The following TICRR variants were observed in gnomAD, a reference collection of about 807,000 sequenced individuals.
The protein encoded by TICRR is treslin.
TICRR carries 132 observed loss-of-function variants against 178.1 expected under a neutral mutation model. The observed-to-expected ratio is 0.74, with a 90% CI of 0.64 to 0.86. The LOEUF is 0.86. Ranked by LOEUF, TICRR falls within the 40% of genes least tolerant of loss-of-function variation. TICRR has a pLI of 0.00. For missense variants in TICRR, 2,587 were observed against 2,334.3 expected (o/e 1.11, Z -2.23); for synonymous variants, 991 against 900.7 (o/e 1.10, Z -1.79).
At chr15:89,621,734 T>C (rs1379515784) in intron 19 of TICRR, among the ~76,000 whole-genome samples, 184 bp downstream of exon 19, 1 of 152,122 alleles carries the variant, frequency 6.6e-6, no homozygotes, top group Non-Finnish European at 1.5e-5. Context: ...AGCAGCAGGT[T>C]TGACTGAAGC....
rs764204327 is a variant in TICRR at position 89,599,379 on chromosome 15, T to A, written c.1956T>A (p.Thr652=). The part of the protein sequence containing the change: ...LSYIRENYQK[T]VATGEIMLYA... Reference sequence around the variant, plus strand: ...ATATACGTGAAAATTACCAAAAGACTGTGGCCACAGGAGAAATCATGTTGT... The same window carrying A: ...ATATACGTGAAAATTACCAAAAGACAGTGGCCACAGGAGAAATCATGTTGT... Residue 652 remains threonine, a synonymous_variant, in exon 8 of 22, where the codon ACT becomes ACA. Coordinates refer to ENST00000268138, the MANE Select transcript of TICRR (RefSeq NM_152259.4). 43 of 1,613,614 alleles carry A rather than the reference T, an allele frequency of 2.7e-5. No homozygotes were observed. The Admixed American group carries it at 7.2e-4, about 27-fold the overall frequency.
Position 89,595,510 on chromosome 15 carries a change from C to T in TICRR, c.1799C>T (p.Pro600Leu), listed in dbSNP as rs202176600. The T allele has an allele frequency of 7.9e-5, 127 of 1,613,738 alleles. No homozygotes were observed. Among genetic ancestry groups the T allele is most frequent in the Non-Finnish European group, 9.8e-5 (116 of 1,179,820 alleles). ...KAQKLHPDGS[P>L]DVAGEKGIQK... ...CAGAAGTTACATCCAGATGGCAGTC[C>T]GGATGTGGCTGGGGAGAAAGGAATC... is the stretch of plus-strand genomic sequence containing the variant. Residue 600 changes from proline (P) to leucine (L), a missense_variant, in exon 7 of 22, where the codon CCG becomes CTG. Coordinates refer to ENST00000268138, the MANE Select transcript of TICRR (RefSeq NM_152259.4).
chr15:89,582,659 C>A, intron 1 of TICRR, 27 bp from the exon 2 acceptor site: 1 of 1,605,378 alleles, frequency 6.2e-7, no homozygotes, highest in Non-Finnish European at 8.5e-7. Context: ...TTATAGTAAC[C>A]TAAGGTTGTT....
intron 21 of TICRR, 135 bp from the exon 22 acceptor site, chr15:89,626,821 G>A (rs1218455830): frequency 2.1e-6 from 2 of 947,826 alleles, no homozygotes; most frequent in Admixed American, 2.2e-5. Context: ...CATTTCTGTA[G>A]GATAAGCGAA....
chr15:89,575,830 G>A lies in TICRR; in HGVS notation c.244G>A (p.Ala82Thr), dbSNP rs200087603. ...GGAGGACTTTGAGGAGGAGCTGGAG[G>A]CCAGGCTCGAGGATCGCGCCCACCT... is the stretch of plus-strand genomic sequence containing the variant. ...SWEDFEEELE[A>T]RLEDRAHLPG... The change falls in exon 1 of 22, where the codon GCC becomes ACC. Residue 82 changes from alanine (A) to threonine (T), a missense_variant. By Grantham distance (58) the Ala-to-Thr change is moderately conservative (BLOSUM62 0). Transcript: ENST00000268138. 9.8e-5 allele frequency: 157 copies of A among 1,595,612 alleles called. No homozygotes were observed. Among genetic ancestry groups the A allele is most frequent in the Middle Eastern group, 6.8e-4 (4 of 5,888 alleles).
chr15:89,605,544 A>G (rs769029536), intron 13 of TICRR, among the ~76,000 whole-genome samples: 1 of 152,028 alleles, frequency 6.6e-6, no homozygotes, highest in Non-Finnish European at 1.5e-5. Context: ...ATTTTTTAGT[A>G]AAGATGGAGT....
intron 5 of TICRR, among the ~76,000 whole-genome samples, chr15:89,592,921 T>C (rs1212552565): frequency 2.0e-5 from 3 of 152,258 alleles, no homozygotes; most frequent in Non-Finnish European, 4.4e-5. Flanking sequence ...CTGGCCACCT[T>C]TGTGCAGATT....
chr15:89,592,432 T>G (rs1198744976), intron 5 of TICRR, among the ~76,000 whole-genome samples: 2 of 152,118 alleles, frequency 1.3e-5, no homozygotes, highest in Admixed American at 1.3e-4. Flanking sequence ...TAAATATAAA[T>G]AAATACTCCC....
chr15:89,613,064 G>GC (rs1963278372), intron 15 of TICRR, among the ~76,000 whole-genome samples: 1 of 152,136 alleles, frequency 6.6e-6, no homozygotes, highest in Non-Finnish European at 1.5e-5. Flanking sequence ...TTACCCTAGT[G>GC]CCCTTTCCTT....
chr15:89,624,090 G>A lies in TICRR; in HGVS notation c.3780G>A (p.Thr1260=), dbSNP rs778508504. Residue 1260 remains threonine (T), a synonymous_variant, in exon 20 of 22, where the codon ACG becomes ACA. Coordinates refer to ENST00000268138, the MANE Select transcript of TICRR (RefSeq NM_152259.4). The stretch of plus-strand genomic sequence containing the variant: ...CGAGAGCAGCAGCCTTCATGGGCAC[G>A]CCTCAGAATCAAACACACCAACAGC... ...TPPRAAAFMG[T]PQNQTHQQPH... is the part of the protein sequence containing the mutation. The A allele has an allele frequency of 4.2e-5, 68 of 1,613,436 alleles. No homozygotes were observed. Among genetic ancestry groups the A allele is most frequent in the Admixed American group, 1.7e-4 (10 of 59,922 alleles).
intron 11 of TICRR, 27 bp downstream of exon 11, chr15:89,601,595 T>G (rs976585037): frequency 1.2e-6 from 2 of 1,612,458 alleles, no homozygotes; most frequent in Non-Finnish European, 1.7e-6. Context: ...CTAACTTAAC[T>G]TTAAAATTGT....
chr15:89,601,992 A>C lies in TICRR; in HGVS notation c.2567+16A>C. On this transcript the variant is annotated intron_variant, in intron 12 of 21. Transcript: ENST00000268138. ...AGAAGAGAAGGTAAGAGGTCAAAGA[A>C]TCAAAGGAATTATTTGCACTGTTAT... 6.2e-7 allele frequency: 1 copy of C among 1,613,474 alleles called. No homozygotes were observed.
Position 89,585,914 on chromosome 15 carries a change from T to C in TICRR, c.1383T>C (p.His461=). 1.2e-6 allele frequency: 2 copies of C among 1,614,156 alleles called. No individual in the cohort carries two copies. The highest frequency in any genetic ancestry group is 1.7e-6 in the Non-Finnish European group (2 of 1,179,982). ...DVVDSILNQT[H]DSLADTASAA... ...TGGATAGTATATTGAATCAGACTCA[T>C]GATTCGCTTGCAGATACTGCTTCTG... Residue 461 remains histidine (H), a synonymous_variant, in exon 4 of 22, where the codon CAT becomes CAC. Coordinates refer to ENST00000268138, the MANE Select transcript of TICRR (RefSeq NM_152259.4).
chr15:89,614,652 T>A (rs763571778), intron 15 of TICRR, among the ~76,000 whole-genome samples: 2 of 152,206 alleles, frequency 1.3e-5, no homozygotes, highest in Non-Finnish European at 2.9e-5. Context: ...AACAATATAA[T>A]GAGGCAGCTG....
intron 4 of TICRR, among the ~76,000 whole-genome samples, chr15:89,587,729 G>A (rs912690368): frequency 5.3e-5 from 8 of 152,102 alleles, no homozygotes; most frequent in Non-Finnish European, 1.2e-4. Context: ...ACTAGTTTTG[G>A]TGGAATTGTG....
chr15:89,604,360 GTGAA>G (rs1368698504), intron 13 of TICRR, among the ~76,000 whole-genome samples: 1 of 152,222 alleles, frequency 6.6e-6, no homozygotes, highest in Non-Finnish European at 1.5e-5. Flanking sequence ...AAATCCGAAA[GTGAA>G]TGGCCAAAAG....
chr15:89,588,578 A>G (rs1962859551), intron 4 of TICRR, among the ~76,000 whole-genome samples: 1 of 152,106 alleles, frequency 6.6e-6, no homozygotes, highest in Admixed American at 6.6e-5. Flanking sequence ...CTCAAAGGAG[A>G]GAGCTAAAAA....
intron 1 of TICRR, among the ~76,000 whole-genome samples, chr15:89,577,599 CTTTTTTT>C (rs71151513): frequency 1.6e-5 from 1 of 60,858 alleles, no homozygotes; most frequent in African/African-American, 7.7e-5. Context: ...GAGGGAAGGC[CTTTTTTT>C]TTTTTTTTTT....
intron 16 of TICRR, 50 bp downstream of exon 16, chr15:89,616,545 A>G: frequency 6.6e-7 from 1 of 1,506,712 alleles, no homozygotes; most frequent in Non-Finnish European, 9.2e-7. Context: ...ACCACCTCAA[A>G]GCGGCCTTGT....
Sources: allele counts gnomAD v4.1 joint callset (sites outside exome capture counted in the v4.1 genomes callset), GRCh38; gene constraint gnomAD v4.1.1; transcripts MANE v1.5; gene names NCBI Gene and HGNC (gene_info 2026-07-23, HGNC 2026-07-21).